YTHDC2: variants seen among roughly 807,000 people sequenced by gnomAD.
The protein encoded by YTHDC2 is YTH N6-methyladenosine RNA binding protein C2.
YTHDC2 carries 45 observed loss-of-function variants against 174.9 expected under a neutral mutation model. The ratio of observed to expected loss-of-function variants is 0.26; its 90% CI spans 0.20 to 0.33. YTHDC2 has a LOEUF of 0.33. YTHDC2 is among the 10% of genes least tolerant of loss of function. The probability of loss-of-function intolerance (pLI) is 1.00; values close to 1 mark genes in which losing one functional copy is unlikely to be tolerated. For synonymous variants in YTHDC2, 657 were observed against 574.5 expected, an observed-to-expected ratio of 1.14 and a Z score of -2.05; for missense variants, 1,650 against 1,723.7, an observed-to-expected ratio of 0.96 and a Z score of 0.76.
intron 28 of YTHDC2, chr5:113,592,980 A>T (rs1779085978): frequency 5.6e-6 from 1 of 177,534 alleles, no homozygotes; most frequent in African/African-American, 2.4e-5. Flanking sequence ...GTTCCAGCTG[A>T]GTGCTTTTGC....
At chr5:113,520,008 C>T (rs1401100466) in intron 2 of YTHDC2, among the ~76,000 whole-genome samples, 1 of 152,126 alleles carries the variant, frequency 6.6e-6, no homozygotes, top group Admixed American at 6.5e-5. Flanking sequence ...AGGTTTTAAG[C>T]CCTGCATGCA....
intron 18 of YTHDC2, among the ~76,000 whole-genome samples, chr5:113,561,957 GGTGTGTGTGTGTGTGTGTGT>G (rs70973686): frequency 5.9e-5 from 8 of 134,940 alleles, no homozygotes; most frequent in African/African-American, 2.3e-4. Context: ...ATTAATTGTG[GGTGTGTGTGTGTGTGTGTGT>G]GTGTGTGTGT....
chr5:113,578,462 A>T (rs1778203081), intron 23 of YTHDC2, among the ~76,000 whole-genome samples: 1 of 152,222 alleles, frequency 6.6e-6, no homozygotes, highest in African/African-American at 2.4e-5. Context: ...TCATATAATC[A>T]GAAATTATTT....
intron 23 of YTHDC2, among the ~76,000 whole-genome samples, chr5:113,568,079 T>A (rs977716265): frequency 3.9e-5 from 6 of 152,128 alleles, no homozygotes; most frequent in Non-Finnish European, 8.8e-5. Flanking sequence ...AATCTTGCTG[T>A]TGGGAAGAAA....
intron 7 of YTHDC2, among the ~76,000 whole-genome samples, 172 bp from the exon 8 acceptor site, chr5:113,538,902 T>C (rs1775263910): frequency 6.6e-6 from 1 of 152,206 alleles, no homozygotes; most frequent in Non-Finnish European, 1.5e-5. Context: ...AGTTGTCTAA[T>C]AGTTGTTTGT....
At position 113,541,005 on chromosome 5, in the gene YTHDC2, A is replaced by G. The variant is rs1042224456; in HGVS notation, c.1248A>G (p.Ser416=). The change falls in exon 9 of 30, where the codon TCA becomes TCG. Residue 416 remains serine (S), a synonymous_variant. Coordinates refer to ENST00000161863, the MANE Select transcript of YTHDC2 (RefSeq NM_022828.5). ...AAACCACACTTACAGAATGGTACTCAGCTCAAGAAAATAGTTTCAAGCCTG... is the reference window on the plus strand; with the variant it reads ...AAACCACACTTACAGAATGGTACTCGGCTCAAGAAAATAGTTTCAAGCCTG... ...KQQTTLTEWY[S]AQENSFKPES... is the part of the protein sequence containing the mutation. 12 of 1,614,110 alleles carry G rather than the reference A, an allele frequency of 7.4e-6. No individual in the cohort carries two copies. The highest frequency in any genetic ancestry group is 4.0e-5 in the African/African-American group (3 of 75,040).
intron 7 of YTHDC2, among the ~76,000 whole-genome samples, chr5:113,537,355 C>G (rs1775153006): frequency 8.1e-6 from 1 of 123,974 alleles, no homozygotes; most frequent in Admixed American, 8.5e-5. Flanking sequence ...ATGGTTGGCT[C>G]TCTCTCTTTT....
chr5:113,581,176 C>G (rs1440764578), intron 24 of YTHDC2: 3 of 358,770 alleles, frequency 8.4e-6, no homozygotes, highest in African/African-American at 6.4e-5. Context: ...CACTCTGCCA[C>G]AACTATTGTT....
At chr5:113,561,287 A>G in intron 18 of YTHDC2, 102 bp downstream of exon 18, 1 of 834,434 alleles carries the variant, frequency 1.2e-6, no homozygotes. Context: ...AATTTGTAAA[A>G]CAAAATTATT....
At chr5:113,575,711 T>G (rs1290418034) in intron 23 of YTHDC2, among the ~76,000 whole-genome samples, 1 of 152,206 alleles carries the variant, frequency 6.6e-6, no homozygotes, top group Non-Finnish European at 1.5e-5. Flanking sequence ...AAGGAAGTCA[T>G]TAAAAGGTTT....
At chr5:113,584,281 G>A (rs1304202908) in intron 25 of YTHDC2, 21 bp from the exon 26 acceptor site, 1 of 1,593,900 alleles carries the variant, frequency 6.3e-7, no homozygotes, top group Non-Finnish European at 8.6e-7. Flanking sequence ...ACTGATCTTT[G>A]CTTCCTCCTT....
Position 113,541,088 on chromosome 5 carries a change from A to G in YTHDC2, c.1331A>G (p.Asp444Gly). Reference protein sequence around the residue: ...NVTDEYDLLDDGGDAVFSQLT... With the variant: ...NVTDEYDLLDGGGDAVFSQLT... ...ACTGATGAGTATGACTTACTGGATG[A>G]TGGTGGTGATGCTGTCTTCAGTCAG... Residue 444 changes from aspartate to glycine, a missense_variant, in exon 9 of 30, where the codon GAT (aspartate) becomes GGT (glycine). Asp to Gly is a moderately conservative substitution (Grantham distance 94). This residue lies in a region of YTHDC2 where 411 missense variants were observed against 380.6 expected (regional missense o/e 1.08). Coordinates refer to ENST00000161863, the MANE Select transcript of YTHDC2 (RefSeq NM_022828.5). 6.2e-7 allele frequency: 1 copy of G among 1,614,046 alleles called. No homozygotes were observed. The highest frequency in any genetic ancestry group is 2.2e-5 in the East Asian group (1 of 44,862).
chr5:113,585,065 C>T (rs1170531775), intron 26 of YTHDC2, among the ~76,000 whole-genome samples: 1 of 151,874 alleles, frequency 6.6e-6, no homozygotes, highest in African/African-American at 2.4e-5. Context: ...CAGGTGTGAG[C>T]CACCATGCCC....
intron 10 of YTHDC2, among the ~76,000 whole-genome samples, chr5:113,547,626 C>G (rs1330923397): frequency 1.3e-5 from 2 of 152,010 alleles, no homozygotes; most frequent in African/African-American, 2.4e-5. Context: ...TTATTTTCCT[C>G]TCAGTTTTGC....
intron 23 of YTHDC2, among the ~76,000 whole-genome samples, chr5:113,572,600 A>G (rs1214379900): frequency 2.0e-5 from 3 of 152,204 alleles, no homozygotes; most frequent in Non-Finnish European, 4.4e-5. Context: ...ATGGGAGTCT[A>G]AATCTCTTTG....
At chr5:113,586,886 T>TAA (rs1324258116) in intron 26 of YTHDC2, among the ~76,000 whole-genome samples, 5 of 135,362 alleles carry the variant, frequency 3.7e-5, no homozygotes, top group African/African-American at 1.1e-4. Flanking sequence ...TATATATATA[T>TAA]AATATATAAA....
At chr5:113,578,191 G>T (rs946854306) in intron 23 of YTHDC2, among the ~76,000 whole-genome samples, 39 of 151,432 alleles carry the variant, frequency 2.6e-4, no homozygotes, top group Non-Finnish European at 4.7e-4. Flanking sequence ...CTGTGTGTGT[G>T]TGTGTGTTTT....
rs1291360760 is a variant in YTHDC2, at chr5:113,553,282, A to G, written c.1790A>G (p.His597Arg). 2 of 1,611,432 alleles carry G rather than the reference A, an allele frequency of 1.2e-6. No individual in the cohort carries two copies. The highest frequency in any genetic ancestry group is 2.7e-5 in the African/African-American group (2 of 74,704). ...EDRELLKAYH[H>R]SFDDEKVDLD... ...AGAGAGCTCCTGAAAGCTTATCATC[A>G]TAGTTTCGATGATGAAAAAGTAGAC... The change falls in exon 13 of 30, where the codon CAT becomes CGT. Residue 597 changes from histidine (H) to arginine (R), a missense_variant. Physicochemically the swap from His to Arg is conservative, Grantham distance 29 (BLOSUM62 0). Around this residue, in one of 5 missense-constraint regions of YTHDC2, gnomAD observed 411 missense variants for 380.6 expected, o/e 1.08. Transcript: ENST00000161863.
chr5:113,576,929 C>A (rs926577653), intron 23 of YTHDC2, among the ~76,000 whole-genome samples: 1 of 151,922 alleles, frequency 6.6e-6, no homozygotes, highest in East Asian at 1.9e-4. Flanking sequence ...AAATTTCATC[C>A]CTCCATTGAT....
Sources: allele counts gnomAD v4.1 joint callset (sites outside exome capture counted in the v4.1 genomes callset), GRCh38; gene constraint gnomAD v4.1.1; regional missense constraint gnomAD v4.1.1; transcripts MANE v1.5; gene names NCBI Gene and HGNC (gene_info 2026-07-23, HGNC 2026-07-21).